Variants in DENND2B observed in about 807,000 individuals in gnomAD.
DENND2B encodes the protein DENN domain-containing protein 2B.
In DENND2B, 32 loss-of-function variants were observed where a neutral mutation model predicts 116.0. The observed-to-expected ratio is 0.28, with a 90% CI of 0.21 to 0.37. The LOEUF is 0.37. Among genes scored for constraint, DENND2B ranks in the 10% least tolerant of loss-of-function variants. The probability of loss-of-function intolerance (pLI) is 1.00; values close to 1 mark genes in which losing one functional copy is unlikely to be tolerated. For missense variants in DENND2B, 1,276 were observed against 1,477.7 expected (o/e 0.86, Z 2.24); for synonymous variants, 588 against 583.9 (o/e 1.01, Z -0.10).
chr11:8,777,169 C>T (rs2057831283), intron 1 of DENND2B, among the ~76,000 whole-genome samples: 1 of 152,162 alleles, frequency 6.6e-6, no homozygotes, highest in Non-Finnish European at 1.5e-5. Flanking sequence ...CACATCTAGT[C>T]CTAAGCTGCT....
chr11:8,903,300 T>G (rs113422971), intron 1 of DENND2B, among the ~76,000 whole-genome samples: 1 of 151,962 alleles, frequency 6.6e-6, no homozygotes, highest in Non-Finnish European at 1.5e-5. Flanking sequence ...GTAATCCCTG[T>G]TACTTGGGTG....
chr11:8,778,683 T>A (rs190384028), intron 1 of DENND2B, among the ~76,000 whole-genome samples: 50 of 152,356 alleles, frequency 3.3e-4, no homozygotes, highest in Admixed American at 2.1e-3. Flanking sequence ...GGAGGCATGG[T>A]GCCAGTTTGG....
intron 1 of DENND2B, among the ~76,000 whole-genome samples, chr11:8,785,932 T>A (rs1293086018): frequency 6.6e-6 from 1 of 152,196 alleles, no homozygotes; most frequent in African/African-American, 2.4e-5. Flanking sequence ...AGGAAGTCAA[T>A]CCTTTTACCT....
chr11:8,715,492 C>T (rs555076818), intron 6 of DENND2B, 111 bp downstream of exon 6: 28 of 1,082,096 alleles, frequency 2.6e-5, no homozygotes, highest in Admixed American at 1.8e-4. Context: ...CAAAGGGAAT[C>T]GAGGAAGCAG....
intron 1 of DENND2B, among the ~76,000 whole-genome samples, chr11:8,751,384 G>A (rs1256228542): frequency 6.6e-6 from 1 of 152,248 alleles, no homozygotes; most frequent in Middle Eastern, 3.4e-3. Flanking sequence ...GGGAATAAAA[G>A]CAGGCTGCCC....
chr11:8,765,239 AG>A (rs2055485955), intron 1 of DENND2B, among the ~76,000 whole-genome samples: 1 of 152,212 alleles, frequency 6.6e-6, no homozygotes, highest in African/African-American at 2.4e-5. Context: ...AACTCCTTTA[AG>A]GGCCATGATG....
At chr11:8,836,413 CTTTTTTTTTTTT>C (rs67181023) in intron 4 of DENND2B, among the ~76,000 whole-genome samples, 2 of 77,554 alleles carry the variant, frequency 2.6e-5, no homozygotes, top group African/African-American at 8.6e-5. Flanking sequence ...TTCTGTACTT[CTTTTTTTTTTTT>C]TTTTTTTTTT....
intron 4 of DENND2B, among the ~76,000 whole-genome samples, chr11:8,830,046 G>C (rs1293119399): frequency 1.3e-5 from 2 of 152,062 alleles, no homozygotes; most frequent in Non-Finnish European, 2.9e-5. Context: ...CTCTCCTGTT[G>C]CTGACCTGCC....
intron 4 of DENND2B, among the ~76,000 whole-genome samples, chr11:8,826,374 T>C (rs1215828327): frequency 5.3e-5 from 8 of 152,222 alleles, no homozygotes; most frequent in Admixed American, 4.6e-4. Flanking sequence ...GAGTGAATTC[T>C]TGTGGATCTT....
At chr11:8,836,410 CTTCTTT>C (rs2062427937) in intron 4 of DENND2B, among the ~76,000 whole-genome samples, 1 of 108,572 alleles carries the variant, frequency 9.2e-6, no homozygotes, top group African/African-American at 3.2e-5. Flanking sequence ...TCCTTCTGTA[CTTCTTT>C]TTTTTTTTTT....
chr11:8,839,833 G>A (rs923887305), intron 3 of DENND2B, among the ~76,000 whole-genome samples: 2 of 152,188 alleles, frequency 1.3e-5, no homozygotes, highest in African/African-American at 4.8e-5. Context: ...TGTTTTGTTA[G>A]GAAGGAGTGC....
intron 2 of DENND2B, 64 bp downstream of exon 2, chr11:8,750,557 G>A: frequency 7.3e-7 from 1 of 1,374,066 alleles, no homozygotes; most frequent in Non-Finnish European, 1.0e-6. Context: ...TTTACATTTT[G>A]GAGGGATCCC....
Position 8,753,311 on chromosome 11 carries a change from T to G in DENND2B, c.-25-2586A>C, listed in dbSNP as rs139649414. Among the ~76,000 whole-genome samples the G allele has an allele frequency of 3.6e-3, 554 of 152,266 alleles. 3 individuals are homozygous for G. The highest frequency in any genetic ancestry group is 5.5e-3 in the Non-Finnish European group (374 of 68,018). Reference sequence around the variant, plus strand: ...TCTGAAAATGAAATTAAGAAAATAATTCTATTAACAATAGCAGCAAAAATA... The same window carrying G: ...TCTGAAAATGAAATTAAGAAAATAAGTCTATTAACAATAGCAGCAAAAATA... On this transcript the variant is annotated intron_variant, in intron 1 of 19. Transcript: ENST00000313726.
intron 2 of DENND2B, among the ~76,000 whole-genome samples, chr11:8,747,550 A>G (rs7120004): frequency 0.59 from 89,889 of 152,040 alleles, 27,474 homozygotes; most frequent in Non-Finnish European, 0.67. Flanking sequence ...CCAACACAGT[A>G]AAGGCTGACC....
At chr11:8,835,957 A>G (rs1479454928) in intron 4 of DENND2B, among the ~76,000 whole-genome samples, 1 of 143,318 alleles carries the variant, frequency 7.0e-6, no homozygotes, top group Middle Eastern at 3.8e-3. Flanking sequence ...CCAGAGTTCT[A>G]TGTCACCTAG....
At chr11:8,830,338 G>GA (rs2062155861) in intron 4 of DENND2B, among the ~76,000 whole-genome samples, 1 of 152,138 alleles carries the variant, frequency 6.6e-6, no homozygotes, top group African/African-American at 2.4e-5. Context: ...CTCCTCCAAG[G>GA]AAAGTTTTCT....
At chr11:8,787,369 G>C (rs1271189850) in intron 1 of DENND2B, 3 of 151,596 alleles carry the variant, frequency 2.0e-5, no homozygotes, top group African/African-American at 7.3e-5. Flanking sequence ...AAGAGACAGG[G>C]ACACGTTTCC....
In DENND2B at chr11:8,699,195, G is replaced by T. The variant is rs916690540; in HGVS notation, c.2898+18C>A. 11 of 1,543,802 alleles carry T rather than the reference G, an allele frequency of 7.1e-6. No homozygotes were observed. Among genetic ancestry groups the T allele is most frequent in the South Asian group, 6.3e-5 (5 of 79,008 alleles). ...CCCCCTCCACCCTTCCCCCCAGCTG[G>T]TTCCCCCGGTGGCCCACCTCCTCCA... is the stretch of plus-strand genomic sequence containing the variant. On this transcript the variant is annotated intron_variant, in intron 15 of 19. Transcript: ENST00000313726.
chr11:8,728,312 T>C (rs2047482439), intron 3 of DENND2B, among the ~76,000 whole-genome samples: 1 of 152,166 alleles, frequency 6.6e-6, no homozygotes, highest in Non-Finnish European at 1.5e-5. Context: ...CTGCATTTTT[T>C]TTAAAATAAA....
Sources: allele counts gnomAD v4.1 joint callset (sites outside exome capture counted in the v4.1 genomes callset), GRCh38; gene constraint gnomAD v4.1.1; transcripts MANE v1.5; gene names NCBI Gene and HGNC (gene_info 2026-07-23, HGNC 2026-07-21).